Variants in SCOC observed in about 807,000 individuals in gnomAD.
SCOC encodes short coiled-coil protein.
In SCOC, 7 loss-of-function variants were observed where a neutral mutation model predicts 9.9. That is an observed-to-expected ratio of 0.71 (90% CI 0.40 to 1.33). SCOC has a LOEUF of 1.33. Among genes scored for constraint, SCOC ranks in the 40% most tolerant of loss-of-function variants. SCOC has a pLI of 0.01. For missense variants in SCOC, 66 were observed against 89.7 expected (o/e 0.74, Z 1.07); for synonymous variants, 19 against 28.2 (o/e 0.67, Z 1.03).
intron 1 of SCOC, among the ~76,000 whole-genome samples, chr4:140,319,857 G>A (rs1421664068): frequency 1.3e-5 from 2 of 152,098 alleles, no homozygotes; most frequent in African/African-American, 2.4e-5. Context: ...GAAAGACAAG[G>A]GCCTGCAGGG....
upstream of SCOC, chr4:140,373,514 G>A (rs1323882972): frequency 1.9e-5 from 29 of 1,551,540 alleles, no homozygotes; most frequent in South Asian, 2.4e-5. Context: ...GAGATTGGAC[G>A]ACTGGGGTGA....
chr4:140,374,193 A>G, intron 1 of SCOC: 1 of 456,102 alleles, frequency 2.2e-6, no homozygotes, highest in Non-Finnish European at 4.4e-6. Context: ...GGATTGGACC[A>G]TTTTTCCAGG....
intron 1 of SCOC, among the ~76,000 whole-genome samples, chr4:140,307,128 C>T (rs1313823808): frequency 6.6e-6 from 1 of 152,150 alleles, no homozygotes; most frequent in East Asian, 1.9e-4. Context: ...TGAAGCAGAC[C>T]CTCACCAGAC....
intron 1 of SCOC, among the ~76,000 whole-genome samples, chr4:140,258,114 C>T (rs753248891): frequency 1.2e-4 from 18 of 152,208 alleles, no homozygotes; most frequent in Non-Finnish European, 2.1e-4. Flanking sequence ...GTTGCCAGAG[C>T]AGTCTGCGGA....
intron 1 of SCOC, among the ~76,000 whole-genome samples, chr4:140,317,469 C>T (rs530522699): frequency 1.5e-3 from 223 of 152,194 alleles, no homozygotes; most frequent in African/African-American, 4.9e-3. Context: ...ATGCAGCCCC[C>T]AGTCACGTAC....
At chr4:140,282,022 A>G (rs1464545832) in intron 1 of SCOC, among the ~76,000 whole-genome samples, 5 of 152,186 alleles carry the variant, frequency 3.3e-5, no homozygotes, top group Admixed American at 3.3e-4. Context: ...CTGCCCCCTT[A>G]TGATGTTTCA....
At chr4:140,321,654 A>G (rs1732504025) in intron 1 of SCOC, among the ~76,000 whole-genome samples, 1 of 152,144 alleles carries the variant, frequency 6.6e-6, no homozygotes, top group Admixed American at 6.5e-5. Flanking sequence ...GAAGGAGAAC[A>G]GAGTGGAAAA....
chr4:140,257,843 T>G (rs1433825623), intron 1 of SCOC, among the ~76,000 whole-genome samples: 1 of 152,228 alleles, frequency 6.6e-6, no homozygotes, highest in African/African-American at 2.4e-5. Flanking sequence ...TCCCTAGAAC[T>G]GCTGGAGGAA....
At chr4:140,262,601 A>G (rs1398864929) in intron 1 of SCOC, among the ~76,000 whole-genome samples, 1 of 152,116 alleles carries the variant, frequency 6.6e-6, no homozygotes, top group African/African-American at 2.4e-5. Context: ...GAGGAAAGCG[A>G]GGTGGGGGAA....
chr4:140,319,003 G>A (rs895665999), intron 1 of SCOC, among the ~76,000 whole-genome samples: 1 of 151,898 alleles, frequency 6.6e-6, no homozygotes, highest in African/African-American at 2.4e-5. Flanking sequence ...TATCCTTTTT[G>A]TTTCTTCTAA....
At chr4:140,336,170 T>C (rs974619030) in intron 1 of SCOC, among the ~76,000 whole-genome samples, 6 of 152,310 alleles carry the variant, frequency 3.9e-5, no homozygotes, top group Admixed American at 2.6e-4. Flanking sequence ...AGGGACACCA[T>C]GGATAATTTT....
At position 140,367,579 on chromosome 4, in the gene SCOC, C is replaced by T. The variant is rs527877840; in HGVS notation, c.71-11542C>T. Among the ~76,000 whole-genome samples, 3 of 152,220 alleles carry T rather than the reference C, an allele frequency of 2.0e-5. No homozygotes were observed. The South Asian group carries it at 6.2e-4, about 32-fold the overall frequency. ...ATTTTTAGTAGAGACGGGGTTTCAC[C>T]ATGTTGGCCAGAATGGTCTTGATCT... On this transcript the variant is annotated intron_variant, in intron 2 of 4. Transcript: ENST00000338517.
In SCOC at chr4:140,381,484, AC is replaced by A. The variant is rs1452254558; in HGVS notation, c.*383del. On this transcript the variant is annotated 3_prime_UTR_variant, in exon 4 of 4. Coordinates refer to ENST00000608372, the MANE Select transcript of SCOC (RefSeq NM_001153484.2). Reference sequence around the variant, plus strand: ...ATGTACTAAATGCACAGCTTTATGTACCCTGTCCACCATCTTGTGCCTCTTC... The same window carrying A: ...ATGTACTAAATGCACAGCTTTATGTACCTGTCCACCATCTTGTGCCTCTTC... The A allele has an allele frequency of 6.5e-6, 1 of 154,246 alleles. No individual in the cohort carries two copies. The highest frequency in any genetic ancestry group is 2.4e-5 in the African/African-American group (1 of 41,464). 9.6% of individuals were successfully genotyped at this position (154,246 alleles called of 1,614,324 possible).
upstream of SCOC, among the ~76,000 whole-genome samples, chr4:140,339,103 T>C (rs1320617448): frequency 6.6e-6 from 1 of 152,014 alleles, no homozygotes; most frequent in Non-Finnish European, 1.5e-5. Context: ...AAAACAGAGA[T>C]ATAGACCAAT....
intron 1 of SCOC, among the ~76,000 whole-genome samples, chr4:140,267,700 G>T (rs1442993608): frequency 6.6e-6 from 1 of 152,034 alleles, no homozygotes; most frequent in East Asian, 1.9e-4. Context: ...ACTCCGCGAG[G>T]CACCCTGAGC....
At chr4:140,311,866 T>A (rs1732166822) in intron 1 of SCOC, among the ~76,000 whole-genome samples, 1 of 152,206 alleles carries the variant, frequency 6.6e-6, no homozygotes, top group Non-Finnish European at 1.5e-5. Flanking sequence ...TCAGTAAATG[T>A]CAGTGATTAT....
At chr4:140,342,801 T>C, upstream of SCOC, among the ~76,000 whole-genome samples, 1 of 152,124 alleles carries the variant, frequency 6.6e-6, no homozygotes, top group South Asian at 2.1e-4. Flanking sequence ...AAATACTTCC[T>C]CCTCAAACAA....
intron 1 of SCOC, among the ~76,000 whole-genome samples, chr4:140,309,201 G>A (rs542296014): frequency 1.3e-5 from 2 of 152,332 alleles, no homozygotes; most frequent in South Asian, 4.1e-4. Flanking sequence ...GAAGAGTCAC[G>A]CAGCACCAGT....
At chr4:140,355,780 C>A (rs1222877075) in intron 2 of SCOC, among the ~76,000 whole-genome samples, 1 of 152,024 alleles carries the variant, frequency 6.6e-6, no homozygotes, top group Non-Finnish European at 1.5e-5. Context: ...GCGATTACAA[C>A]CATGCAAAAG....
Sources: gnomAD v4.1 joint callset for allele counts (sites outside exome capture counted in the v4.1 genomes callset) on GRCh38, gnomAD v4.1.1 for gene constraint, MANE v1.5 for transcripts, NCBI Gene and HGNC (gene_info 2026-07-23, HGNC 2026-07-21) for gene names.